FBH1: variants seen among roughly 807,000 people sequenced by gnomAD.
FBH1 encodes DNA 3'-5' helicase 1.
In FBH1, 43 loss-of-function variants were observed where a neutral mutation model predicts 115.5. That is an observed-to-expected ratio of 0.37 (90% confidence interval 0.29 to 0.48). The LOEUF is 0.48. Among genes scored for constraint, FBH1 ranks in the 20% least tolerant of loss-of-function variants. FBH1 has a pLI of 0.99. For missense variants in FBH1, 1,001 were observed against 1,337.3 expected (o/e 0.75, Z 3.92); for synonymous variants, 524 against 507.8 (o/e 1.03, Z -0.43).
chr10:5,921,273 G>A lies in FBH1; in HGVS notation c.2116G>A (p.Val706Met). The change falls in exon 14 of 21, where the codon GTG becomes ATG. Residue 706 changes from valine to methionine, a missense_variant. Physicochemically the swap from Val to Met is conservative, Grantham distance 21. This residue lies in a region of FBH1 where 521 missense variants were observed against 811.0 expected (regional missense o/e 0.64). Coordinates refer to ENST00000362091, the MANE Select transcript of FBH1 (RefSeq NM_178150.3). This position sits in a 1 kb window ranked among gnomAD's most constrained non-coding sequence, Gnocchi z 6.4. ...FYLTQSFRFG[V>M]EIAYVGATIL... is the part of the protein sequence containing the mutation. The stretch of plus-strand genomic sequence containing the variant: ...TTGTTTTCAGAGTTTTCGGTTTGGT[G>A]TGGAAATAGCTTATGTGGGAGCTAC... 6.2e-7 allele frequency: 1 copy of A among 1,614,194 alleles called. No individual in the cohort carries two copies. Among genetic ancestry groups the A allele is most frequent in the Non-Finnish European group, 8.5e-7 (1 of 1,180,016 alleles).
Position 5,925,782 on chromosome 10 carries a change from G to A in FBH1, c.2722+290G>A, listed in dbSNP as rs1832612219. 1.3e-5 allele frequency among the ~76,000 whole-genome samples: 2 copies of A among 152,146 alleles called. No individual in the cohort carries two copies. Among genetic ancestry groups the A allele is most frequent in the South Asian group, 2.1e-4 (1 of 4,830 alleles). ...CACTGCCCTCAGCTCCAGGTTCTTC[G>A]CCATCAGACTTTGAGTCTCCAGCCT... On this transcript the variant is annotated intron_variant, in intron 18 of 20. Transcript: ENST00000362091. This position sits in a 1 kb window ranked among gnomAD's most constrained non-coding sequence, Gnocchi z 4.6.
chr10:5,918,420 G>A lies in FBH1; in HGVS notation c.2042G>A (p.Arg681Gln), dbSNP rs1388704313. ...CCGCACCAGCAGATCTATACCTTCC[G>A]GGGTGCGGTCAACGCCCTGTTCACA... ...GDPHQQIYTFRGAVNALFTVP... is the reference protein window; with the variant it reads ...GDPHQQIYTFQGAVNALFTVP... The change falls in exon 13 of 21, where the codon CGG (arginine) becomes CAG (glutamine). Residue 681 changes from arginine to glutamine, a missense_variant. Physicochemically the swap from Arg to Gln is conservative, Grantham distance 43 (BLOSUM62 1). This residue lies in a region of FBH1 where 521 missense variants were observed against 811.0 expected (regional missense o/e 0.64). Transcript: ENST00000362091. The surrounding 1 kb of genome is among the most constrained non-coding windows in gnomAD (Gnocchi z 4.0). 8 of 1,612,584 alleles carry A rather than the reference G, an allele frequency of 5.0e-6. No homozygotes were observed. The highest frequency in any genetic ancestry group is 2.7e-5 in the African/African-American group (2 of 74,782).
chr10:5,901,301 C>A (rs1001825838), intron 1 of FBH1, among the ~76,000 whole-genome samples: 5 of 151,906 alleles, frequency 3.3e-5, no homozygotes, highest in Non-Finnish European at 7.4e-5. Context: ...GCCTCCGGGG[C>A]ATATGCCACC....
chr10:5,936,933 C>T lies in FBH1; in HGVS notation c.2962-177C>T. On this transcript the variant is annotated intron_variant, in intron 20 of 20. Coordinates refer to ENST00000362091, the MANE Select transcript of FBH1 (RefSeq NM_178150.3). This position sits in a 1 kb window ranked among gnomAD's most constrained non-coding sequence, Gnocchi z 5.6. ...CTCAGGGAATTTGGGGGTGTTGAGGCCACCTAGTTGGTGGTGCTGTGGGAG... is the reference window on the plus strand; with the variant it reads ...CTCAGGGAATTTGGGGGTGTTGAGGTCACCTAGTTGGTGGTGCTGTGGGAG... 1.4e-6 allele frequency: 1 copy of T among 692,132 alleles called. No individual in the cohort carries two copies. Among genetic ancestry groups the T allele is most frequent in the Non-Finnish European group, 2.4e-6 (1 of 420,918 alleles). The allele number at this position is 692,132 out of a possible 1,614,324, so 42.9% of individuals were successfully genotyped here. A position where few individuals can be genotyped will look rare whatever the true frequency, so the allele number is the denominator to read the frequency against.
At position 5,914,876 on chromosome 10, in the gene FBH1, G is replaced by A. The variant is rs757087407; in HGVS notation, c.1397-527G>A. On this transcript the variant is annotated intron_variant, in intron 8 of 20. Coordinates refer to ENST00000362091, the MANE Select transcript of FBH1 (RefSeq NM_178150.3). The surrounding 1 kb of genome is among the most constrained non-coding windows in gnomAD (Gnocchi z 5.2). Reference sequence around the variant, plus strand: ...AACAACAACATTTTGAATGCCTGCAGTGTGCTTGGCATTGTGCTGATCCTG... The same window carrying A: ...AACAACAACATTTTGAATGCCTGCAATGTGCTTGGCATTGTGCTGATCCTG... Among the ~76,000 whole-genome samples, 1 of 152,120 alleles carries A rather than the reference G, an allele frequency of 6.6e-6. No homozygotes were observed. Among genetic ancestry groups the A allele is most frequent in the Non-Finnish European group, 1.5e-5 (1 of 68,030 alleles).
Position 5,909,041 on chromosome 10 carries a change from G to A in FBH1, c.870G>A (p.Val290=), listed in dbSNP as rs1408410046. The part of the protein sequence containing the change: ...CGIEKESDLC[V]LNLIRYTATT... The stretch of plus-strand genomic sequence containing the variant: ...TAGAAAAGGAGTCAGACCTGTGTGT[G>A]CTGAACCTCATACGGTGAGCTTTGC... The change falls in exon 4 of 21, where the codon GTG becomes GTA. Residue 290 remains valine, a synonymous_variant. Coordinates refer to ENST00000362091, the MANE Select transcript of FBH1 (RefSeq NM_178150.3). This position sits in a 1 kb window ranked among gnomAD's most constrained non-coding sequence, Gnocchi z 4.4. 4.3e-6 allele frequency: 7 copies of A among 1,614,060 alleles called. No homozygotes were observed. Among genetic ancestry groups the A allele is most frequent in the Non-Finnish European group, 5.9e-6 (7 of 1,180,044 alleles).
intron 1 of FBH1, among the ~76,000 whole-genome samples, chr10:5,893,246 C>T (rs1334459418): frequency 6.6e-6 from 1 of 152,174 alleles, no homozygotes; most frequent in African/African-American, 2.4e-5. Context: ...GCGGAGGTTG[C>T]AATGAGCCGA....
rs770439042 is a variant in FBH1, at chr10:5,906,629, G to A, written c.750G>A (p.Pro250=). The A allele has an allele frequency of 2.0e-5, 32 of 1,599,640 alleles. No individual in the cohort carries two copies. The highest frequency in any genetic ancestry group is 8.4e-5 in the Admixed American group (5 of 59,764). Residue 250 remains proline (P), a synonymous_variant, in exon 3 of 21, where the codon CCG becomes CCA. Transcript: ENST00000362091. This position sits in a 1 kb window ranked among gnomAD's most constrained non-coding sequence, Gnocchi z 7.3. The part of the protein sequence containing the change: ...CHLWREIISD[P]LFIPWKKLYH... The stretch of plus-strand genomic sequence containing the variant: ...TGTGGAGGGAGATCATCAGTGACCC[G>A]CTGGTGAGTGAGTGCTGGAGTCGGG...
At position 5,909,469 on chromosome 10, in the gene FBH1, T is replaced by A. The variant is rs1407439983; in HGVS notation, c.1020+175T>A. On this transcript the variant is annotated intron_variant, in intron 5 of 20. Transcript: ENST00000362091. The surrounding 1 kb of genome is among the most constrained non-coding windows in gnomAD (Gnocchi z 4.4). The stretch of plus-strand genomic sequence containing the variant: ...TCCCCAGTGGAGAAATAAAAGGCCA[T>A]ATAATTGTAGAGTCTTAGATGTAGA... The A allele has an allele frequency of 1.4e-6, 1 of 719,726 alleles. No individual in the cohort carries two copies. Among genetic ancestry groups the A allele is most frequent in the Non-Finnish European group, 2.2e-6 (1 of 457,964 alleles). 44.6% of individuals were successfully genotyped at this position (719,726 alleles called of 1,614,324 possible).
In FBH1 at chr10:5,912,928, A is replaced by T. The variant is rs1331371098; in HGVS notation, c.1212-819A>T. Among the ~76,000 whole-genome samples the T allele has an allele frequency of 3.3e-5, 5 of 152,230 alleles. No homozygotes were observed. In the South Asian group the frequency reaches 6.2e-4, roughly 19 times the overall value. On this transcript the variant is annotated intron_variant, in intron 6 of 20. Transcript: ENST00000362091. ...TTTTTCTGGGAGATAATATAATCAC[A>T]TCTGAAATGTTGGATTATTAAAGGT...
At chr10:5,930,926 T>TGG (rs1832935476) in intron 19 of FBH1, among the ~76,000 whole-genome samples, 1 of 151,996 alleles carries the variant, frequency 6.6e-6, no homozygotes, top group Admixed American at 6.6e-5. Context: ...GTTTTTTTTT[T>TGG]GTTTTGTTTT....
At position 5,897,148 on chromosome 10, in the gene FBH1, CAT is replaced by C. The variant is rs1190670099; in HGVS notation, c.2-5870_2-5869del. 2.0e-5 allele frequency among the ~76,000 whole-genome samples: 3 copies of C among 152,124 alleles called. No individual in the cohort carries two copies. Among genetic ancestry groups the C allele is most frequent in the African/African-American group, 7.2e-5 (3 of 41,428 alleles). On this transcript the variant is annotated intron_variant, in intron 1 of 20. Coordinates refer to ENST00000362091, the MANE Select transcript of FBH1 (RefSeq NM_178150.3). The surrounding 1 kb of genome is among the most constrained non-coding windows in gnomAD (Gnocchi z 4.7). ...TGACGTTTCTGTTGCTAGGTGTTGA[CAT>C]AGATTTAGAGATAGGTGTTGTCACC...
intron 1 of FBH1, among the ~76,000 whole-genome samples, chr10:5,898,646 G>A (rs1370952157): frequency 6.6e-6 from 1 of 152,158 alleles, no homozygotes; most frequent in Non-Finnish European, 1.5e-5. Context: ...TAGACCTCAA[G>A]TGATCCACCC....
At chr10:5,908,057 T>G (rs775932026) in intron 3 of FBH1, among the ~76,000 whole-genome samples, 1 of 152,228 alleles carries the variant, frequency 6.6e-6, no homozygotes, top group Non-Finnish European at 1.5e-5. Flanking sequence ...ATCCTCTGTT[T>G]TCCTTATTTA....
rs1589127132 is a variant in FBH1 at position 5,936,217 on chromosome 10, T to A, written c.2830-239T>A. 3.5e-6 allele frequency: 1 copy of A among 283,714 alleles called. No homozygotes were observed. Among genetic ancestry groups the A allele is most frequent in the Middle Eastern group, 1.1e-3 (1 of 904 alleles). The allele number at this position is 283,714 out of a possible 1,614,324, so 17.6% of individuals were successfully genotyped here. ...TGTCATTACAGGCAATAGTTTTGCA[T>A]GTTTATCTGTTAAATATATATATAT... is the stretch of plus-strand genomic sequence containing the variant. On this transcript the variant is annotated intron_variant, in intron 19 of 20. Transcript: ENST00000362091. This position sits in a 1 kb window ranked among gnomAD's most constrained non-coding sequence, Gnocchi z 5.6.
At chr10:5,894,144 C>G in intron 1 of FBH1, 9 of 985,396 alleles carry the variant, frequency 9.1e-6, no homozygotes, top group Non-Finnish European at 1.1e-5. Flanking sequence ...TAGCCTGGCT[C>G]TGCGTCAGTG....
At chr10:5,926,624 C>G (rs1832669464) in intron 18 of FBH1, among the ~76,000 whole-genome samples, 1 of 152,170 alleles carries the variant, frequency 6.6e-6, no homozygotes, top group Non-Finnish European at 1.5e-5. Context: ...GTATTTGTGA[C>G]CATTGGCAAA....
At chr10:5,902,330 T>A (rs973994389) in intron 1 of FBH1, among the ~76,000 whole-genome samples, 3 of 152,190 alleles carry the variant, frequency 2.0e-5, no homozygotes, top group Admixed American at 6.5e-5. Context: ...TTAAAAAAAA[T>A]TTAACCATTT....
In FBH1 at chr10:5,925,608, T is replaced by G; in HGVS notation, c.2722+116T>G. The G allele has an allele frequency of 2.8e-6, 4 of 1,452,276 alleles. No homozygotes were observed. Among genetic ancestry groups the G allele is most frequent in the Non-Finnish European group, 3.7e-6 (4 of 1,077,180 alleles). 90.0% of individuals were successfully genotyped at this position (1,452,276 alleles called of 1,614,324 possible). Reference sequence around the variant, plus strand: ...TGGTGTGGCCTCCTGGTAGGGCACTTCTGGAAAAACTAAACCACAAAACAC... The same window carrying G: ...TGGTGTGGCCTCCTGGTAGGGCACTGCTGGAAAAACTAAACCACAAAACAC... On this transcript the variant is annotated intron_variant, in intron 18 of 20. Transcript: ENST00000362091. This position sits in a 1 kb window ranked among gnomAD's most constrained non-coding sequence, Gnocchi z 4.6.
Sources: allele counts gnomAD v4.1 joint callset (sites outside exome capture counted in the v4.1 genomes callset), GRCh38; gene constraint gnomAD v4.1.1; regional missense constraint gnomAD v4.1.1; non-coding constraint Gnocchi (gnomAD v3.1); transcripts MANE v1.5; gene names NCBI Gene and HGNC (gene_info 2026-07-23, HGNC 2026-07-21).